RUNX1: variants seen among roughly 807,000 people sequenced by gnomAD.
RUNX1 encodes the protein RUNX family transcription factor 1, also known as runt-related transcription factor 1.
A neutral mutation model predicts 42.8 loss-of-function variants in RUNX1; 19 were observed. The ratio of observed to expected loss-of-function variants is 0.44; its 90% CI spans 0.31 to 0.65. RUNX1 has a LOEUF of 0.65. Among genes scored for constraint, RUNX1 ranks in the 30% least tolerant of loss-of-function variants. The probability of loss-of-function intolerance (pLI) is 0.07; values close to 1 mark genes in which losing one functional copy is unlikely to be tolerated. For missense variants in RUNX1, 528 were observed against 672.0 expected, an observed-to-expected ratio of 0.79 and a Z score of 2.37; for synonymous variants, 271 against 289.4, an observed-to-expected ratio of 0.94 and a Z score of 0.64.
intron 2 of RUNX1, among the ~76,000 whole-genome samples, chr21:34,987,855 G>T (rs976455557): frequency 3.9e-5 from 6 of 152,142 alleles, no homozygotes; most frequent in African/African-American, 1.4e-4. Flanking sequence ...GTGCAGACTT[G>T]CTCTAGAGGG....
chr21:34,896,635 A>G (rs570308695), intron 2 of RUNX1, among the ~76,000 whole-genome samples: 1 of 152,272 alleles, frequency 6.6e-6, no homozygotes, highest in South Asian at 2.1e-4. Flanking sequence ...GTGAGCCAAG[A>G]TTGTGCCATT....
chr21:35,048,690 G>A (rs527514363), intron 2 of RUNX1, 152 bp downstream of exon 2: 1 of 755,322 alleles, frequency 1.3e-6, no homozygotes, highest in African/African-American at 1.7e-5. Flanking sequence ...CAATAGACTT[G>A]TAATCATATG....
intron 2 of RUNX1, among the ~76,000 whole-genome samples, chr21:34,996,493 C>T (rs1439339641): frequency 6.6e-6 from 1 of 151,922 alleles, no homozygotes; most frequent in African/African-American, 2.4e-5. Context: ...TTTCTCAAAC[C>T]CTGTTGATGT....
intron 7 of RUNX1, among the ~76,000 whole-genome samples, chr21:34,803,987 A>G (rs1188371162): frequency 6.6e-6 from 1 of 152,228 alleles, no homozygotes; most frequent in Non-Finnish European, 1.5e-5. Context: ...TTGTTTTTAT[A>G]AGAAAAAATG....
intron 8 of RUNX1, among the ~76,000 whole-genome samples, chr21:34,796,201 A>G (rs1363590624): frequency 1.3e-5 from 2 of 152,250 alleles, no homozygotes; most frequent in Non-Finnish European, 2.9e-5. Flanking sequence ...CAAAAGAAAG[A>G]GCTGCAATGC....
In RUNX1 at chr21:34,788,036, T is replaced by G. The variant is rs968410019; in HGVS notation, c.*4099A>C. The stretch of plus-strand genomic sequence containing the variant: ...GCAGTGCCTGCTCTCCTGTGCTATC[T>G]AGAAACACCTTGGAGAGAGGGTTCT... On this transcript the variant is annotated 3_prime_UTR_variant, in exon 9 of 9. Coordinates refer to ENST00000675419, the MANE Select transcript of RUNX1 (RefSeq NM_001754.5). The G allele has an allele frequency of 8.6e-6, 2 of 233,202 alleles. No homozygotes were observed. The highest frequency in any genetic ancestry group is 1.1e-4 in the Admixed American group (2 of 17,780). The allele number at this position is 233,202 out of a possible 1,614,324, so 14.4% of individuals were successfully genotyped here. A position where few individuals can be genotyped will look rare whatever the true frequency, so the allele number is the denominator to read the frequency against.
intron 2 of RUNX1, among the ~76,000 whole-genome samples, chr21:34,900,179 T>A (rs2058166138): frequency 6.6e-6 from 1 of 152,268 alleles, no homozygotes; most frequent in African/African-American, 2.4e-5. Context: ...GTAATCAATA[T>A]GAAAATTATT....
intron 2 of RUNX1, among the ~76,000 whole-genome samples, chr21:35,037,096 A>G (rs1261050948): frequency 6.6e-6 from 1 of 152,180 alleles, no homozygotes; most frequent in Non-Finnish European, 1.5e-5. Flanking sequence ...CTTGTACAAC[A>G]ATGGGAGCAA....
rs776076219 is a variant in RUNX1, at chr21:34,916,193, G to A, written c.59-23230C>T. ...CATTGGTATTGCATGTCAGACACAC[G>A]ATCCCCTGTTAAATGCAGGGCTGCA... is the stretch of plus-strand genomic sequence containing the variant. On this transcript the variant is annotated intron_variant, in intron 2 of 8. Transcript: ENST00000675419. 5.3e-5 allele frequency among the ~76,000 whole-genome samples: 8 copies of A among 152,152 alleles called. No homozygotes were observed. In the East Asian group the frequency reaches 1.3e-3, roughly 26 times the overall value.
In RUNX1 at chr21:34,843,303, T is replaced by G. The variant is rs372814072; in HGVS notation, c.614-8702A>C. 3.2e-3 allele frequency among the ~76,000 whole-genome samples: 492 copies of G among 151,770 alleles called. No homozygotes were observed. Among genetic ancestry groups the G allele is most frequent in the African/African-American group, 0.01 (431 of 41,346 alleles). Reference sequence around the variant, plus strand: ...TCACACAGACACATATATTAAGACATGCACAGACACACATACACATACAGA... The same window carrying G: ...TCACACAGACACATATATTAAGACAGGCACAGACACACATACACATACAGA... On this transcript the variant is annotated intron_variant, in intron 6 of 8. Transcript: ENST00000675419. This position sits in a 1 kb window ranked among gnomAD's most constrained non-coding sequence, Gnocchi z 4.8.
intron 2 of RUNX1, among the ~76,000 whole-genome samples, chr21:34,896,940 G>A (rs1449736478): frequency 6.6e-6 from 1 of 152,146 alleles, no homozygotes. Context: ...AGGGAAACTG[G>A]TGAGGTAGCA....
chr21:34,931,201 G>A (rs951397708), intron 2 of RUNX1, among the ~76,000 whole-genome samples: 5 of 151,856 alleles, frequency 3.3e-5, no homozygotes, highest in Non-Finnish European at 7.4e-5. Flanking sequence ...GCTGCCTAGA[G>A]GTGATTCACT....
At chr21:34,996,539 G>A (rs1254978593) in intron 2 of RUNX1, among the ~76,000 whole-genome samples, 4 of 151,956 alleles carry the variant, frequency 2.6e-5, no homozygotes, top group East Asian at 1.9e-4. Flanking sequence ...TGGAGAGGAC[G>A]AAGACCAGGG....
chr21:34,878,060 T>G (rs957032787), intron 5 of RUNX1, among the ~76,000 whole-genome samples: 1 of 151,710 alleles, frequency 6.6e-6, no homozygotes, highest in African/African-American at 2.4e-5. Context: ...TAAGATCACT[T>G]AATAAAACGT....
intron 2 of RUNX1, among the ~76,000 whole-genome samples, chr21:34,910,068 C>CA (rs1304985805): frequency 2.0e-5 from 3 of 152,232 alleles, no homozygotes; most frequent in Non-Finnish European, 4.4e-5. Flanking sequence ...TAGTTTTAAA[C>CA]AAATCAAGAT....
At chr21:34,856,591 T>C in intron 6 of RUNX1, 4 of 379,258 alleles carry the variant, frequency 1.1e-5, no homozygotes, top group South Asian at 6.1e-5. Context: ...TCATCAACTA[T>C]CTCTTTTAAA....
At chr21:34,807,257 C>T (rs76255206) in intron 7 of RUNX1, among the ~76,000 whole-genome samples, 52 of 152,250 alleles carry the variant, frequency 3.4e-4, no homozygotes, top group African/African-American at 1.2e-3. Context: ...AGACCCCTCC[C>T]GGCCCTCCTC....
intron 7 of RUNX1, among the ~76,000 whole-genome samples, chr21:34,819,931 G>T (rs148744946): frequency 9.8e-5 from 15 of 152,366 alleles, no homozygotes; most frequent in African/African-American, 3.6e-4. Flanking sequence ...GGGAGGAATC[G>T]GCACAGGATG....
At chr21:34,905,091 T>C (rs1164688127) in intron 2 of RUNX1, among the ~76,000 whole-genome samples, 2 of 152,172 alleles carry the variant, frequency 1.3e-5, no homozygotes, top group African/African-American at 4.8e-5. Flanking sequence ...AGCTGAATGA[T>C]AGACACATAG....
Sources: gnomAD v4.1 joint callset for allele counts (sites outside exome capture counted in the v4.1 genomes callset) on GRCh38, gnomAD v4.1.1 for gene constraint, Gnocchi (gnomAD v3.1) non-coding constraint, MANE v1.5 for transcripts, NCBI Gene and HGNC (gene_info 2026-07-23, HGNC 2026-07-21) for gene names.